DMRT1: variants seen among roughly 807,000 people sequenced by gnomAD.
DMRT1 encodes the protein doublesex- and mab-3-related transcription factor 1.
A neutral mutation model predicts 32.3 loss-of-function variants in DMRT1; 7 were observed. The observed-to-expected ratio is 0.22, with a 90% CI of 0.12 to 0.41. The LOEUF is 0.41. Ranked by LOEUF, DMRT1 falls within the 10% of genes least tolerant of loss-of-function variation. The pLI, the probability that DMRT1 is intolerant of heterozygous loss-of-function variation, is 1.00. For synonymous variants in DMRT1, 278 were observed against 206.1 expected (o/e 1.35, Z -2.99); for missense variants, 625 against 500.5 (o/e 1.25, Z -2.37).
At chr9:920,092 T>C (rs1818307061) in intron 4 of DMRT1, among the ~76,000 whole-genome samples, 1 of 152,202 alleles carries the variant, frequency 6.6e-6, no homozygotes, top group African/African-American at 2.4e-5. Context: ...GAGATGTCCA[T>C]GAACCACCCA....
At chr9:851,233 C>G (rs1839138622) in intron 2 of DMRT1, among the ~76,000 whole-genome samples, 1 of 151,758 alleles carries the variant, frequency 6.6e-6, no homozygotes, top group Admixed American at 6.6e-5. Context: ...ATTTAGTCAA[C>G]TTTTATTTAT....
rs546809173 is a variant in DMRT1, at chr9:908,414, C to T, written c.823-8349C>T. ...TTGAGGCTGCAGTGAGCTGCGATCA[C>T]ACCACTGTACTCCAGGCTGGGCGAC... On this transcript the variant is annotated intron_variant, in intron 3 of 4. Transcript: ENST00000382276. 1.5e-4 allele frequency among the ~76,000 whole-genome samples: 23 copies of T among 152,274 alleles called. 1 individual carries two copies. The South Asian group carries it at 4.8e-3, about 32-fold the overall frequency.
chr9:858,862 AAAAAAAAAATAT>A (rs1282510722), intron 2 of DMRT1, among the ~76,000 whole-genome samples: 108 of 68,008 alleles, frequency 1.6e-3, no homozygotes, highest in Middle Eastern at 0.015. Flanking sequence ...TCAAAAAAAA[AAAAAAAAAATAT>A]ATATATATAT....
chr9:843,840 G>A (rs551708013), intron 1 of DMRT1, among the ~76,000 whole-genome samples: 17 of 152,236 alleles, frequency 1.1e-4, no homozygotes, highest in Admixed American at 3.9e-4. Flanking sequence ...TATACTAAAC[G>A]TATTTTGGCT....
intron 4 of DMRT1, among the ~76,000 whole-genome samples, chr9:932,848 T>C (rs1462066229): frequency 6.6e-6 from 1 of 152,054 alleles, no homozygotes; most frequent in Non-Finnish European, 1.5e-5. Context: ...AGGATACAAC[T>C]CAGGAGCAGC....
At chr9:946,082 G>T (rs1315358423) in intron 4 of DMRT1, among the ~76,000 whole-genome samples, 1 of 150,526 alleles carries the variant, frequency 6.6e-6, no homozygotes, top group Non-Finnish European at 1.5e-5. Flanking sequence ...ATGGAGCATG[G>T]TTTATTAGTT....
chr9:869,500 C>G (rs1003408098), intron 2 of DMRT1, among the ~76,000 whole-genome samples: 2 of 152,166 alleles, frequency 1.3e-5, no homozygotes, highest in African/African-American at 4.8e-5. Context: ...TAGTTGTTGT[C>G]TCTAGTGAAT....
chr9:893,979 C>T lies in DMRT1; in HGVS notation c.606C>T (p.Asp202=). 6.2e-7 allele frequency: 1 copy of T among 1,614,106 alleles called. No individual in the cohort carries two copies. The highest frequency in any genetic ancestry group is 8.5e-7 in the Non-Finnish European group (1 of 1,179,938). ...GAGGGCATGTGGAGAACACACCTGA[C>T]CTGGTTTCAGACTCCACCTACTACA... ...TSRGHVENTP[D]LVSDSTYYSS... is the part of the protein sequence containing the mutation. The change falls in exon 3 of 5, where the codon GAC becomes GAT. Residue 202 remains aspartate, a synonymous_variant. Coordinates refer to ENST00000382276, the MANE Select transcript of DMRT1 (RefSeq NM_021951.3).
chr9:929,754 C>T (rs1818646939), intron 4 of DMRT1, among the ~76,000 whole-genome samples: 1 of 152,106 alleles, frequency 6.6e-6, no homozygotes, highest in Non-Finnish European at 1.5e-5. Context: ...AGCTGTTCTG[C>T]AGGGTCAGTT....
chr9:902,579 C>T (rs1817630260), intron 3 of DMRT1, among the ~76,000 whole-genome samples: 1 of 151,474 alleles, frequency 6.6e-6, no homozygotes, highest in Admixed American at 6.6e-5. Flanking sequence ...ACCTCTGCCT[C>T]CCGGGTTCAA....
intron 4 of DMRT1, among the ~76,000 whole-genome samples, chr9:966,167 A>G (rs1413361473): frequency 6.6e-6 from 1 of 152,186 alleles, no homozygotes; most frequent in African/African-American, 2.4e-5. Context: ...CAATTAATAA[A>G]TCACCTTGGA....
intron 3 of DMRT1, among the ~76,000 whole-genome samples, chr9:906,034 C>G (rs1817764215): frequency 2.7e-5 from 2 of 74,450 alleles, no homozygotes; most frequent in East Asian, 1.8e-3. Context: ...CACACACCCA[C>G]ACACACACAC....
chr9:947,207 A>T (rs1164434978), intron 4 of DMRT1, among the ~76,000 whole-genome samples: 1 of 152,226 alleles, frequency 6.6e-6, no homozygotes, highest in Non-Finnish European at 1.5e-5. Flanking sequence ...ATGACTTTGA[A>T]TGTGGCCCAA....
At chr9:950,837 C>A (rs1564272365) in intron 4 of DMRT1, among the ~76,000 whole-genome samples, 1 of 152,150 alleles carries the variant, frequency 6.6e-6, no homozygotes, top group Non-Finnish European at 1.5e-5. Context: ...TCCTTTTATT[C>A]TTGCTTTCTG....
At chr9:875,766 G>GTGTA (rs57573342) in intron 2 of DMRT1, among the ~76,000 whole-genome samples, 14,625 of 152,008 alleles carry the variant, frequency 0.096, 924 homozygotes, top group East Asian at 0.19. Flanking sequence ...GTGCATGTGT[G>GTGTA]TGTATGTATG....
intron 4 of DMRT1, among the ~76,000 whole-genome samples, chr9:967,502 A>T (rs1469685366): frequency 1.3e-5 from 2 of 152,206 alleles, no homozygotes; most frequent in East Asian, 3.8e-4. Flanking sequence ...GAGAAATAAT[A>T]GTAAAGTTAA....
chr9:876,276 T>A (rs1420489620), intron 2 of DMRT1, among the ~76,000 whole-genome samples: 1 of 152,106 alleles, frequency 6.6e-6, no homozygotes, highest in African/African-American at 2.4e-5. Flanking sequence ...GCTTCCAGGA[T>A]AAGGTAGAAG....
intron 2 of DMRT1, among the ~76,000 whole-genome samples, chr9:857,005 A>G (rs939024717): frequency 6.6e-6 from 1 of 152,206 alleles, no homozygotes. Context: ...TTTGCATTTT[A>G]TTATCAATAG....
At chr9:878,200 G>GACC (rs149257815) in intron 2 of DMRT1, among the ~76,000 whole-genome samples, 11 of 94,040 alleles carry the variant, frequency 1.2e-4, no homozygotes, top group African/African-American at 4.3e-4. Flanking sequence ...TGCAGCTGCT[G>GACC]CCCCCCCCCC....
Sources: allele counts gnomAD v4.1 joint callset (sites outside exome capture counted in the v4.1 genomes callset), GRCh38; gene constraint gnomAD v4.1.1; transcripts MANE v1.5; gene names NCBI Gene and HGNC (gene_info 2026-07-23, HGNC 2026-07-21).